ARHGEF12: variants seen among roughly 807,000 people sequenced by gnomAD.
ARHGEF12 encodes Rho guanine nucleotide exchange factor 12.
A neutral mutation model predicts 211.2 loss-of-function variants in ARHGEF12; 66 were observed. The observed-to-expected ratio is 0.31, with a 90% CI of 0.26 to 0.38. ARHGEF12 has a LOEUF of 0.38. Among genes scored for constraint, ARHGEF12 ranks in the 10% least tolerant of loss-of-function variants. ARHGEF12 has a pLI of 1.00. For synonymous variants in ARHGEF12, 592 were observed against 638.4 expected, an observed-to-expected ratio of 0.93 and a Z score of 1.09; for missense variants, 1,429 against 1,869.5, an observed-to-expected ratio of 0.76 and a Z score of 4.34.
At chr11:120,357,388 T>C (rs1296340005) in intron 1 of ARHGEF12, among the ~76,000 whole-genome samples, 2 of 152,130 alleles carry the variant, frequency 1.3e-5, no homozygotes, top group South Asian at 4.1e-4. Flanking sequence ...ACTTCGAGTC[T>C]AATAGAGGAA....
intron 12 of ARHGEF12, chr11:120,439,444 G>A (rs1161143871): frequency 6.6e-6 from 1 of 152,196 alleles, no homozygotes; most frequent in Admixed American, 6.5e-5. Context: ...ATAGAGGTCA[G>A]GGGTGCTGCT....
intron 1 of ARHGEF12, among the ~76,000 whole-genome samples, chr11:120,387,697 A>G (rs931087485): frequency 4.6e-5 from 7 of 152,142 alleles, no homozygotes; most frequent in African/African-American, 1.7e-4. Context: ...CCAGTGTTCT[A>G]TTTGAAAGTA....
intron 39 of ARHGEF12, among the ~76,000 whole-genome samples, chr11:120,482,394 T>C (rs1056519162): frequency 6.6e-6 from 1 of 152,308 alleles, no homozygotes. Flanking sequence ...TAATTGAAGA[T>C]GTCACTATTG....
chr11:120,447,090 G>GTAAT lies in ARHGEF12; in HGVS notation c.1589+6_1589+9dup. The GTAAT allele has an allele frequency of 6.2e-7, 1 of 1,613,676 alleles. No individual in the cohort carries two copies. Among genetic ancestry groups the GTAAT allele is most frequent in the Non-Finnish European group, 8.5e-7 (1 of 1,179,792 alleles). On this transcript the variant is annotated splice_donor_region_variant and intron_variant, in intron 18 of 40. Transcript: ENST00000397843. Reference sequence around the variant, plus strand: ...TGCCAAAATTGAAGAAGTATTGTAAGTAATAGAAGTATATGTGGAAATGCC... The same window carrying GTAAT: ...TGCCAAAATTGAAGAAGTATTGTAAGTAATTAATAGAAGTATATGTGGAAATGCC...
intron 1 of ARHGEF12, among the ~76,000 whole-genome samples, chr11:120,380,875 A>G (rs1362370134): frequency 1.3e-5 from 2 of 152,198 alleles, no homozygotes; most frequent in Non-Finnish European, 2.9e-5. Flanking sequence ...TTGAGTTCTA[A>G]TGCTAGGTTT....
At chr11:120,451,413 A>G (rs937076654) in intron 21 of ARHGEF12, 99 bp from the exon 22 acceptor site, 7 of 1,076,796 alleles carry the variant, frequency 6.5e-6, no homozygotes, top group Middle Eastern at 3.0e-4. Flanking sequence ...TCCTGACCTC[A>G]TGATTCGCCC....
At chr11:120,456,984 A>G (rs1255538619) in intron 22 of ARHGEF12, 134 bp from the exon 23 acceptor site, 1 of 726,998 alleles carries the variant, frequency 1.4e-6, no homozygotes, top group African/African-American at 1.8e-5. Context: ...TTTTAGTTCT[A>G]GTGAACCTGC....
At chr11:120,449,844 A>T (rs546127823) in intron 21 of ARHGEF12, 65 of 152,008 alleles carry the variant, frequency 4.3e-4, no homozygotes, top group African/African-American at 1.3e-3. Flanking sequence ...TAAAAAAAAA[A>T]AGTGTGTATA....
chr11:120,461,419 G>C (rs1028303138), intron 27 of ARHGEF12, among the ~76,000 whole-genome samples: 3 of 150,744 alleles, frequency 2.0e-5, no homozygotes, highest in Non-Finnish European at 4.4e-5. Context: ...TTTTTTTTCT[G>C]AGCAGTAGGT....
intron 36 of ARHGEF12, 42 bp from the exon 37 acceptor site, chr11:120,478,114 C>CTTTG (rs1311961512): frequency 2.2e-6 from 3 of 1,360,520 alleles, no homozygotes; most frequent in Admixed American, 2.0e-5. Context: ...AAGTTAAAAG[C>CTTTG]TTTGTTTAGA....
intron 1 of ARHGEF12, among the ~76,000 whole-genome samples, chr11:120,363,703 T>A (rs1207947915): frequency 6.6e-6 from 1 of 152,222 alleles, no homozygotes; most frequent in Non-Finnish European, 1.5e-5. Flanking sequence ...GGCCTTTGTC[T>A]ACCTTCTCCA....
chr11:120,485,624 A>C lies in ARHGEF12; in HGVS notation c.*547A>C, dbSNP rs1947377433. On this transcript the variant is annotated 3_prime_UTR_variant, in exon 41 of 41. Coordinates refer to ENST00000397843, the MANE Select transcript of ARHGEF12 (RefSeq NM_015313.3). ...GAAGTGAGACGGGGAAGGGAGGAGC[A>C]CCTTGCTTCACTATACAGTATTCCA... 1 of 235,686 alleles carries C rather than the reference A, an allele frequency of 4.2e-6. No individual in the cohort carries two copies. The highest frequency in any genetic ancestry group is 6.0e-5 in the East Asian group (1 of 16,652). 14.6% of individuals were successfully genotyped at this position (235,686 alleles called of 1,614,324 possible).
Position 120,336,739 on chromosome 11 carries a change from C to T in ARHGEF12, c.-505C>T, listed in dbSNP as rs1942362049. Reference sequence around the variant, plus strand: ...GACATGGAATCGCGCGAGCCCGGCGCGGGACGGCCGGAGACGCGGCCAACG... The same window carrying T: ...GACATGGAATCGCGCGAGCCCGGCGTGGGACGGCCGGAGACGCGGCCAACG... On this transcript the variant is annotated 5_prime_UTR_variant, in exon 1 of 41. Coordinates refer to ENST00000397843, the MANE Select transcript of ARHGEF12 (RefSeq NM_015313.3). 1.3e-5 allele frequency among the ~76,000 whole-genome samples: 2 copies of T among 152,158 alleles called. No homozygotes were observed. Among genetic ancestry groups the T allele is most frequent in the Admixed American group, 1.3e-4 (2 of 15,286 alleles).
intron 29 of ARHGEF12, 54 bp from the exon 30 acceptor site, chr11:120,469,234 T>A: frequency 7.5e-7 from 1 of 1,325,132 alleles, no homozygotes; most frequent in Non-Finnish European, 1.1e-6. Context: ...TTACATATAT[T>A]TTATGGTTTT....
intron 4 of ARHGEF12, chr11:120,411,195 AC>A (rs1396288874): frequency 3.3e-5 from 5 of 152,208 alleles, no homozygotes; most frequent in African/African-American, 1.2e-4. Context: ...TTTTTTGAGA[AC>A]CCTTGAAATA....
intron 1 of ARHGEF12, among the ~76,000 whole-genome samples, chr11:120,339,973 C>G (rs1170372630): frequency 6.6e-6 from 1 of 152,162 alleles, no homozygotes; most frequent in Non-Finnish European, 1.5e-5. Flanking sequence ...AGACTTTAAA[C>G]TCAAACTATG....
intron 4 of ARHGEF12, among the ~76,000 whole-genome samples, chr11:120,414,109 T>G (rs1944961143): frequency 6.6e-6 from 1 of 152,194 alleles, no homozygotes; most frequent in Admixed American, 6.5e-5. Context: ...AGAAAAAATA[T>G]GTCTTTTGTT....
In ARHGEF12 at chr11:120,475,252, T is replaced by C. The variant is rs909315843; in HGVS notation, c.3110-88T>C. On this transcript the variant is annotated intron_variant, in intron 32 of 40. Transcript: ENST00000397843. ...TAAAATTTTGTAGCTTTAACAGAAA[T>C]AGAATTCCTCTGTTGAATCATTATA... 5.7e-6 allele frequency: 7 copies of C among 1,238,812 alleles called. No homozygotes were observed. The African/African-American group carries it at 1.1e-4, about 19-fold the overall frequency. 76.7% of individuals were successfully genotyped at this position (1,238,812 alleles called of 1,614,324 possible).
At chr11:120,457,628 T>C (rs1461635244) in intron 23 of ARHGEF12, 93 bp from the exon 24 acceptor site, 1 of 852,240 alleles carries the variant, frequency 1.2e-6, no homozygotes, top group Non-Finnish European at 1.8e-6. Flanking sequence ...TTTATCAAGC[T>C]GCTGGAGTTT....
Sources: allele counts gnomAD v4.1 joint callset (sites outside exome capture counted in the v4.1 genomes callset), GRCh38; gene constraint gnomAD v4.1.1; transcripts MANE v1.5; gene names NCBI Gene and HGNC (gene_info 2026-07-23, HGNC 2026-07-21).